The following CYP3A7 variants were observed in gnomAD, a reference collection of about 807,000 sequenced individuals.
The protein encoded by CYP3A7 is cytochrome P450 3A7.
CYP3A7 carries 45 observed loss-of-function variants against 55.2 expected under a neutral mutation model. The ratio of observed to expected loss-of-function variants is 0.82; its 90% CI spans 0.64 to 1.05. The LOEUF is 1.05. CYP3A7 is among the 50% of genes least tolerant of loss of function. The pLI, the probability that CYP3A7 is intolerant of heterozygous loss-of-function variation, is 0.00. For synonymous variants in CYP3A7, 180 were observed against 207.4 expected (o/e 0.87, Z 1.13); for missense variants, 548 against 605.3 (o/e 0.91, Z 0.99).
intron 2 of CYP3A7, among the ~76,000 whole-genome samples, chr7:99,722,900 G>A (rs1461611069): frequency 6.6e-6 from 1 of 152,186 alleles, no homozygotes; most frequent in Non-Finnish European, 1.5e-5. Context: ...AAATGAGTGA[G>A]TGACAGAATG....
Position 99,733,958 on chromosome 7 carries a change from T to A in CYP3A7, c.71+1065A>T, listed in dbSNP as rs952573074. 2.6e-5 allele frequency among the ~76,000 whole-genome samples: 4 copies of A among 152,260 alleles called. No individual in the cohort carries two copies. In the East Asian group the frequency reaches 5.8e-4, roughly 22 times the overall value. On this transcript the variant is annotated intron_variant, in intron 1 of 12. Coordinates refer to ENST00000336374, the MANE Select transcript of CYP3A7 (RefSeq NM_000765.5). Reference sequence around the variant, plus strand: ...ATATATTTGTACATTAGACTCATATTCCTGACATTATTCTGGAAAGGTGAG... The same window carrying A: ...ATATATTTGTACATTAGACTCATATACCTGACATTATTCTGGAAAGGTGAG...
chr7:99,733,157 T>C (rs1353053274), intron 1 of CYP3A7, among the ~76,000 whole-genome samples: 1 of 152,206 alleles, frequency 6.6e-6, no homozygotes. Context: ...CCTTGGGTTT[T>C]CCCACTCCTG....
chr7:99,705,465 T>G lies in CYP3A7; in HGVS notation c.*35A>C. The G allele has an allele frequency of 6.2e-7, 1 of 1,609,380 alleles. No homozygotes were observed. Among genetic ancestry groups the G allele is most frequent in the Non-Finnish European group, 8.5e-7 (1 of 1,176,220 alleles). ...GGTCTCTGGTGTTCTGGGGCACAGCTTTCTTAAAGAGCAAACCAGAAGTCC... is the reference window on the plus strand; with the variant it reads ...GGTCTCTGGTGTTCTGGGGCACAGCGTTCTTAAAGAGCAAACCAGAAGTCC... On this transcript the variant is annotated 3_prime_UTR_variant, in exon 13 of 13. Transcript: ENST00000336374.
At position 99,709,092 on chromosome 7, in the gene CYP3A7, T is replaced by TGGAATCATGATGAAG. The variant is rs1340390275; in HGVS notation, c.1195_1196insCTTCATCATGATTCC (p.Tyr399delinsSerSerSerTer). The TGGAATCATGATGAAG allele has an allele frequency of 1.2e-6, 2 of 1,613,922 alleles. No homozygotes were observed. The highest frequency in any genetic ancestry group is 2.7e-5 in the African/African-American group (2 of 74,994). Reference sequence around the variant, plus strand: ...GTACTTTGGGTCATGATGAAGAACATAGCTTGGAATCATCACCACCACCCC... The same window carrying TGGAATCATGATGAAG: ...GTACTTTGGGTCATGATGAAGAACATGGAATCATGATGAAGAGCTTGGAATCATCACCACCACCCC... On this transcript the variant is annotated stop_gained and protein_altering_variant, in exon 11 of 13. Transcript: ENST00000336374. LOFTEE classifies it high-confidence loss of function.
chr7:99,725,751 C>A (rs530172573), intron 2 of CYP3A7, among the ~76,000 whole-genome samples: 5 of 152,166 alleles, frequency 3.3e-5, no homozygotes, highest in Admixed American at 3.3e-4. Flanking sequence ...TGATGCTACC[C>A]GATCACCTCG....
intron 3 of CYP3A7, 146 bp downstream of exon 3, chr7:99,722,147 ATCT>A (rs949770664): frequency 6.2e-6 from 6 of 961,488 alleles, no homozygotes; most frequent in East Asian, 2.6e-5. Context: ...CCAAATACAT[ATCT>A]TCTTCTTTCA....
intron 4 of CYP3A7, 31 bp downstream of exon 4, chr7:99,720,282 A>T: frequency 6.2e-7 from 1 of 1,610,190 alleles, no homozygotes; most frequent in Non-Finnish European, 8.5e-7. Flanking sequence ...TCAATCAATG[A>T]GTATTTTAAT....
rs752173830 is a variant in CYP3A7, at chr7:99,735,085, G to A, written c.9C>T (p.Leu3=). ...AGGTTTCCACGGCCAAGTTTGGGAT[G>A]AGATCCATCACTACTTTCCTTCCTT... The part of the protein sequence containing the change: MD[L]IPNLAVETWL... The change falls in exon 1 of 13, where the codon CTC becomes CTT. Residue 3 remains leucine (L), a synonymous_variant. Coordinates refer to ENST00000336374, the MANE Select transcript of CYP3A7 (RefSeq NM_000765.5). The A allele has an allele frequency of 8.1e-6, 13 of 1,614,066 alleles. No homozygotes were observed. In the South Asian group the frequency reaches 1.3e-4, roughly 16 times the overall value.
rs368004709 is a variant in CYP3A7, at chr7:99,721,928, T to A, written c.218+368A>T. Among the ~76,000 whole-genome samples the A allele has an allele frequency of 9.9e-5, 15 of 152,284 alleles. No individual in the cohort carries two copies. In the East Asian group the frequency reaches 2.7e-3, roughly 27 times the overall value. On this transcript the variant is annotated intron_variant, in intron 3 of 12. Coordinates refer to ENST00000336374, the MANE Select transcript of CYP3A7 (RefSeq NM_000765.5). ...CCAACCCAACCTTACACAAAAATAT[T>A]TCTGCAAGGACACCTGCCCAGCAAC...
chr7:99,708,708 G>GA (rs1445123568), intron 11 of CYP3A7, among the ~76,000 whole-genome samples: 1 of 152,020 alleles, frequency 6.6e-6, no homozygotes, highest in Non-Finnish European at 1.5e-5. Flanking sequence ...GTATATTCAG[G>GA]AAAAAATATT....
At position 99,715,874 on chromosome 7, in the gene CYP3A7, G is replaced by C. The variant is rs1267080350; in HGVS notation, c.554C>G (p.Thr185Ser). ...VFGAYSMDVI[T>S]STSFGVSIDS... ...GATGCTCACTCCAAATGATGTGCTA[G>C]TGATCACATCCATGCTGTAGGCCCC... Residue 185 changes from threonine to serine, a missense_variant, in exon 7 of 13, where the codon ACT (threonine) becomes AGT (serine). Transcript: ENST00000336374. 1 of 1,613,882 alleles carries C rather than the reference G, an allele frequency of 6.2e-7. No homozygotes were observed. The highest frequency in any genetic ancestry group is 8.5e-7 in the Non-Finnish European group (1 of 1,179,842).
intron 4 of CYP3A7, among the ~76,000 whole-genome samples, 184 bp from the exon 5 acceptor site, chr7:99,717,823 C>G (rs1477776934): frequency 5.9e-5 from 9 of 152,188 alleles, no homozygotes; most frequent in African/African-American, 2.2e-4. Context: ...GATGTGGTCT[C>G]CAGCCTGTAT....
Position 99,715,855 on chromosome 7 carries a change from C to A in CYP3A7, c.573G>T (p.Val191=). The part of the protein sequence containing the change: ...MDVITSTSFG[V]SIDSLNNPQD... Reference sequence around the variant, plus strand: ...GTGGATTGTTGAGAGAGTCGATGCTCACTCCAAATGATGTGCTAGTGATCA... The same window carrying A: ...GTGGATTGTTGAGAGAGTCGATGCTAACTCCAAATGATGTGCTAGTGATCA... The change falls in exon 7 of 13, where the codon GTG becomes GTT. Residue 191 remains valine, a synonymous_variant. Coordinates refer to ENST00000336374, the MANE Select transcript of CYP3A7 (RefSeq NM_000765.5). The A allele has an allele frequency of 6.2e-7, 1 of 1,613,906 alleles. No homozygotes were observed. The highest frequency in any genetic ancestry group is 8.5e-7 in the Non-Finnish European group (1 of 1,179,844).
chr7:99,713,043 C>G (rs577374695), intron 9 of CYP3A7, among the ~76,000 whole-genome samples: 1 of 152,272 alleles, frequency 6.6e-6, no homozygotes, highest in South Asian at 2.1e-4. Context: ...TAGCATGGCT[C>G]CTGATTAGGT....
Position 99,717,251 on chromosome 7 carries a change from A to C in CYP3A7, c.447T>G (p.Ile149Met). The C allele has an allele frequency of 6.2e-7, 1 of 1,613,978 alleles. No homozygotes were observed. Among genetic ancestry groups the C allele is most frequent in the Non-Finnish European group, 8.5e-7 (1 of 1,179,854 alleles). The change falls in exon 6 of 13, where the codon ATT (isoleucine) becomes ATG (methionine). Residue 149 changes from isoleucine to methionine, a missense_variant. Transcript: ENST00000336374. ...SGKLKEMVPI[I>M]AQYGDVLVRN... ...TCACCAACACATCTCCATACTGGGCAATGATAGGGACCATCTAAGCACAAA... is the reference window on the plus strand; with the variant it reads ...TCACCAACACATCTCCATACTGGGCCATGATAGGGACCATCTAAGCACAAA...
At chr7:99,716,735 T>G (rs184536367) in intron 6 of CYP3A7, among the ~76,000 whole-genome samples, 1 of 152,174 alleles carries the variant, frequency 6.6e-6, no homozygotes, top group Non-Finnish European at 1.5e-5. Context: ...AGTATTCTAC[T>G]GATACCCTCA....
intron 2 of CYP3A7, among the ~76,000 whole-genome samples, chr7:99,723,423 C>A (rs1448330941): frequency 3.3e-5 from 5 of 152,190 alleles, no homozygotes; most frequent in African/African-American, 4.8e-5. Flanking sequence ...TGCAACTTTC[C>A]ACTGCTTACC....
chr7:99,713,597 G>C, intron 8 of CYP3A7, 62 bp from the exon 9 acceptor site: 2 of 1,609,778 alleles, frequency 1.2e-6, no homozygotes, highest in Non-Finnish European at 1.7e-6. Flanking sequence ...AAGTTAATCA[G>C]AAGTGCAGTC....
At chr7:99,721,297 T>C (rs563258277) in intron 3 of CYP3A7, among the ~76,000 whole-genome samples, 19 of 152,254 alleles carry the variant, frequency 1.2e-4, no homozygotes, top group African/African-American at 4.3e-4. Flanking sequence ...CACACTTACA[T>C]AGAAAGTTTA....
Sources: gnomAD v4.1 joint callset for allele counts (sites outside exome capture counted in the v4.1 genomes callset) on GRCh38, gnomAD v4.1.1 for gene constraint, MANE v1.5 for transcripts, NCBI Gene and HGNC (gene_info 2026-07-23, HGNC 2026-07-21) for gene names.